QTGAL: variants seen among roughly 807,000 people sequenced by gnomAD.
QTGAL encodes the protein queuosine-tRNA galactosyltransferase.
the QTGAL span, chr17:82,943,842 C>T: frequency 4.6e-5 from 7 of 152,288 alleles, no homozygotes; most frequent in Admixed American, 2.6e-4. Context: ...GGGGTCTCCT[C>T]CTCCTTGAAC....
At chr17:83,032,856 C>T in the QTGAL span, among the ~76,000 whole-genome samples, 1 of 152,194 alleles carries the variant, frequency 6.6e-6, no homozygotes, top group Non-Finnish European at 1.5e-5. Flanking sequence ...CGAGCTGGGC[C>T]GATAAATATG....
chr17:82,978,757 C>T, the QTGAL span: 1 of 152,210 alleles, frequency 6.6e-6, no homozygotes, highest in African/African-American at 2.4e-5. This position sits in a 1 kb window ranked among gnomAD's most constrained non-coding sequence, Gnocchi z 4.8. Context: ...ATGCCCTTCT[C>T]AGTACGAATC....
chr17:82,993,397 A>G, the QTGAL span, among the ~76,000 whole-genome samples: 1 of 152,156 alleles, frequency 6.6e-6, no homozygotes, highest in Non-Finnish European at 1.5e-5. Flanking sequence ...CCATATGATG[A>G]TAAAAAGGTC....
the QTGAL span, chr17:82,978,612 A>C: frequency 2.0e-5 from 3 of 152,084 alleles, no homozygotes; most frequent in Non-Finnish European, 4.4e-5. The surrounding 1 kb of genome is among the most constrained non-coding windows in gnomAD (Gnocchi z 4.8). Context: ...GAGCCCTTCT[A>C]ATCAGGTCAC....
At chr17:83,035,166 CT>C in the QTGAL span, 1 of 1,328,660 alleles carries the variant, frequency 7.5e-7, no homozygotes, top group Non-Finnish European at 1.1e-6. Flanking sequence ...TTTCATAGAG[CT>C]TAGTATATGA....
At chr17:83,014,092 AG>A in the QTGAL span, among the ~76,000 whole-genome samples, 1 of 152,206 alleles carries the variant, frequency 6.6e-6, no homozygotes, top group Admixed American at 6.5e-5. Context: ...GCCGTTCTAA[AG>A]ATAAAAACCG....
chr17:82,983,635 T>C, the QTGAL span, among the ~76,000 whole-genome samples: 1 of 152,084 alleles, frequency 6.6e-6, no homozygotes, highest in Non-Finnish European at 1.5e-5. Context: ...AGCTCAGCAA[T>C]GGTGACAGGA....
At chr17:83,038,403 A>G in the QTGAL span, among the ~76,000 whole-genome samples, 3 of 152,250 alleles carry the variant, frequency 2.0e-5, no homozygotes, top group African/African-American at 7.2e-5. Flanking sequence ...ATATGCCTCA[A>G]GTTAGAGCTA....
the QTGAL span, among the ~76,000 whole-genome samples, chr17:82,986,807 TC>T: frequency 6.6e-6 from 1 of 152,258 alleles, no homozygotes; most frequent in African/African-American, 2.4e-5. Flanking sequence ...CATGGTGCGA[TC>T]ACAAGAAATC....
At chr17:82,967,988 A>C in the QTGAL span, among the ~76,000 whole-genome samples, 1 of 152,210 alleles carries the variant, frequency 6.6e-6, no homozygotes, top group Non-Finnish European at 1.5e-5. Context: ...GTACCAAGTA[A>C]AAATCTTACA....
At chr17:82,990,652 G>T in the QTGAL span, among the ~76,000 whole-genome samples, 2 of 152,228 alleles carry the variant, frequency 1.3e-5, no homozygotes, top group Non-Finnish European at 2.9e-5. Flanking sequence ...TGGGGATTTT[G>T]ATCTTTAGGG....
the QTGAL span, among the ~76,000 whole-genome samples, chr17:83,041,836 T>C: frequency 1.3e-5 from 2 of 152,180 alleles, no homozygotes; most frequent in Non-Finnish European, 2.9e-5. Context: ...AGAAAAACAC[T>C]GTCAATTATG....
the QTGAL span, among the ~76,000 whole-genome samples, chr17:82,980,781 G>A: frequency 3.9e-4 from 60 of 152,328 alleles, no homozygotes; most frequent in Admixed American, 1.4e-3. Flanking sequence ...TTGGGTTACT[G>A]TACGAGTTCA....
chr17:82,983,192 A>T, the QTGAL span, among the ~76,000 whole-genome samples: 3 of 152,138 alleles, frequency 2.0e-5, no homozygotes, highest in Non-Finnish European at 4.4e-5. Context: ...GGGCAGGAGA[A>T]TTGCTTGAAC....
At chr17:83,045,277 T>C in the QTGAL span, among the ~76,000 whole-genome samples, 134 of 152,330 alleles carry the variant, frequency 8.8e-4, no homozygotes, top group African/African-American at 3.1e-3. Flanking sequence ...CAGGAATGAA[T>C]CCATACGTTT....
the QTGAL span, among the ~76,000 whole-genome samples, chr17:82,967,797 T>A: frequency 0.24 from 35,724 of 151,730 alleles, 4,853 homozygotes; most frequent in East Asian, 0.42. Flanking sequence ...TAGCTGGGCA[T>A]GGTGATGCTC....
At chr17:83,029,947 C>G in the QTGAL span, among the ~76,000 whole-genome samples, 2 of 152,218 alleles carry the variant, frequency 1.3e-5, no homozygotes, top group Non-Finnish European at 2.9e-5. Flanking sequence ...ATCTGCCTTT[C>G]TTGACCTACA....
chr17:83,015,373 C>T, the QTGAL span, among the ~76,000 whole-genome samples: 1 of 152,380 alleles, frequency 6.6e-6, no homozygotes, highest in African/African-American at 2.4e-5. The surrounding 1 kb of genome is among the most constrained non-coding windows in gnomAD (Gnocchi z 4.4). Flanking sequence ...CACAGACATG[C>T]TCACGGCAGC....
chr17:82,956,546 TTGTGGACGGC>T, the QTGAL span: 1 of 909,124 alleles, frequency 1.1e-6, no homozygotes, highest in Non-Finnish European at 1.6e-6. The surrounding 1 kb of genome is among the most constrained non-coding windows in gnomAD (Gnocchi z 5.7). Context: ...TGTGGTGCTG[TTGTGGACGGC>T]TGTGGCACCT....
Sources: gnomAD v4.1 joint callset for allele counts (sites outside exome capture counted in the v4.1 genomes callset) on GRCh38, gnomAD v4.1.1 for gene constraint, Gnocchi (gnomAD v3.1) non-coding constraint, MANE v1.5 for transcripts, NCBI Gene and HGNC (gene_info 2026-07-23, HGNC 2026-07-21) for gene names.